Variants in HYOU1 observed in about 807,000 individuals in gnomAD.
The protein encoded by HYOU1 is hypoxia up-regulated 1, also known as hypoxia up-regulated protein 1.
A neutral mutation model predicts 120.5 loss-of-function variants in HYOU1; 40 were observed. The ratio of observed to expected loss-of-function variants is 0.33; its 90% CI spans 0.26 to 0.43. The LOEUF is 0.43. Among genes scored for constraint, HYOU1 ranks in the 20% least tolerant of loss-of-function variants. The pLI is 1.00. For synonymous variants in HYOU1, 501 were observed against 479.4 expected (o/e 1.05, Z -0.59); for missense variants, 1,085 against 1,278.3 (o/e 0.85, Z 2.31).
rs1463641039 is a variant in HYOU1 at position 119,044,201 on chromosome 11, A to G, written c.*1392T>C. On this transcript the variant is annotated 3_prime_UTR_variant, in exon 26 of 26. Coordinates refer to ENST00000617285, the MANE Select transcript of HYOU1 (RefSeq NM_006389.5). ...CAGCACAAAAACTGTAGAAAAGAAT[A>G]TTTTATTGAAACAGTTTCTCAATTA... The G allele has an allele frequency of 6.6e-6, 1 of 151,100 alleles. No homozygotes were observed. 9.4% of individuals were successfully genotyped at this position (151,100 alleles called of 1,614,324 possible).
At chr11:119,045,872 G>A (rs1944035169) in intron 24 of HYOU1, 41 bp from the exon 25 acceptor site, 3 of 1,605,510 alleles carry the variant, frequency 1.9e-6, no homozygotes, top group Non-Finnish European at 2.6e-6. Flanking sequence ...CAGAAGGGAG[G>A]AAGAGGCTAA....
chr11:119,045,087 G>T lies in HYOU1; in HGVS notation c.*506C>A, dbSNP rs1262017247. 2.2e-6 allele frequency: 1 copy of T among 451,326 alleles called. No individual in the cohort carries two copies. 28.0% of individuals were successfully genotyped at this position (451,326 alleles called of 1,614,324 possible). A position where few individuals can be genotyped will look rare whatever the true frequency, so the allele number is the denominator to read the frequency against. ...AGGCTCAGAGCAAGAGAAGCCCGCA[G>T]AGGGAGGAAAGAGCACAGATAGGCA... On this transcript the variant is annotated 3_prime_UTR_variant, in exon 26 of 26. Coordinates refer to ENST00000617285, the MANE Select transcript of HYOU1 (RefSeq NM_006389.5).
chr11:119,045,494 C>G lies in HYOU1; in HGVS notation c.*99G>C. 1 of 1,045,216 alleles carries G rather than the reference C, an allele frequency of 9.6e-7. No homozygotes were observed. Among genetic ancestry groups the G allele is most frequent in the Non-Finnish European group, 1.5e-6 (1 of 665,216 alleles). 64.7% of individuals were successfully genotyped at this position (1,045,216 alleles called of 1,614,324 possible). On this transcript the variant is annotated 3_prime_UTR_variant, in exon 26 of 26. Transcript: ENST00000617285. ...CACAGGGGTGAGAAAGGAACTCCAG[C>G]CGAGGGCAGGACCAACCCCTCCCCC...
intron 14 of HYOU1, 106 bp from the exon 15 acceptor site, chr11:119,049,943 G>A: frequency 1.0e-6 from 1 of 996,310 alleles, no homozygotes; most frequent in Non-Finnish European, 1.6e-6. Context: ...GCCGTCACAG[G>A]CCTAGTCTCT....
chr11:119,055,486 A>G lies in HYOU1; in HGVS notation c.264+7T>C, dbSNP rs2133613717. 6.2e-7 allele frequency: 1 copy of G among 1,613,694 alleles called. No homozygotes were observed. The highest frequency in any genetic ancestry group is 8.5e-7 in the Non-Finnish European group (1 of 1,179,648). On this transcript the variant is annotated splice_region_variant and intron_variant, in intron 4 of 25. Coordinates refer to ENST00000617285, the MANE Select transcript of HYOU1 (RefSeq NM_006389.5). This position sits in a 1 kb window ranked among gnomAD's most constrained non-coding sequence, Gnocchi z 4.0. ...CACCACTCTGGGAAGAGGGACTGCT[A>G]GCTCACCATGCTTGCTGCACTGTCT...
In HYOU1 at chr11:119,044,907, A is replaced by C. The variant is rs1225401563; in HGVS notation, c.*686T>G. On this transcript the variant is annotated 3_prime_UTR_variant, in exon 26 of 26. Coordinates refer to ENST00000617285, the MANE Select transcript of HYOU1 (RefSeq NM_006389.5). Reference sequence around the variant, plus strand: ...CACTGTGCCCCTCCCTCCTCTGGCCACTAGGGGTGGGAAATACGAGTGAGA... The same window carrying C: ...CACTGTGCCCCTCCCTCCTCTGGCCCCTAGGGGTGGGAAATACGAGTGAGA... The C allele has an allele frequency of 6.3e-6, 2 of 318,972 alleles. No individual in the cohort carries two copies. Among genetic ancestry groups the C allele is most frequent in the Admixed American group, 3.6e-5 (1 of 27,798 alleles). The allele number at this position is 318,972 out of a possible 1,614,324, so 19.8% of individuals were successfully genotyped here. A position where few individuals can be genotyped will look rare whatever the true frequency, so the allele number is the denominator to read the frequency against.
In HYOU1 at chr11:119,045,512, C is replaced by A; in HGVS notation, c.*81G>T. 5 of 1,276,798 alleles carry A rather than the reference C, an allele frequency of 3.9e-6. No individual in the cohort carries two copies. The highest frequency in any genetic ancestry group is 5.7e-6 in the Non-Finnish European group (5 of 873,550). The allele number at this position is 1,276,798 out of a possible 1,614,324, so 79.1% of individuals were successfully genotyped here. On this transcript the variant is annotated 3_prime_UTR_variant, in exon 26 of 26. Transcript: ENST00000617285. ...ACTCCAGCCGAGGGCAGGACCAACC[C>A]CTCCCCCAACCCTCGATGTTAAATA...
intron 22 of HYOU1, 66 bp downstream of exon 22, chr11:119,047,668 T>C: frequency 1.5e-6 from 2 of 1,350,232 alleles, no homozygotes; most frequent in Non-Finnish European, 1.1e-6. Context: ...GCTTCATCTC[T>C]CCACCTCTCC....
rs1944501379 is a variant in HYOU1, at chr11:119,052,487, G to A, written c.988-58C>T. 2.5e-6 allele frequency: 4 copies of A among 1,611,062 alleles called. No individual in the cohort carries two copies. The highest frequency in any genetic ancestry group is 1.6e-4 in the Middle Eastern group (1 of 6,068). On this transcript the variant is annotated intron_variant, in intron 9 of 25. Transcript: ENST00000617285. This position sits in a 1 kb window ranked among gnomAD's most constrained non-coding sequence, Gnocchi z 5.0. Reference sequence around the variant, plus strand: ...TGCCCAGCTCCCGCTCTCTTGGTGAGTAGGACAGAAACAAAAAGAATAGGT... The same window carrying A: ...TGCCCAGCTCCCGCTCTCTTGGTGAATAGGACAGAAACAAAAAGAATAGGT...
chr11:119,052,208 C>T lies in HYOU1; in HGVS notation c.1123-36G>A. 1.9e-6 allele frequency: 3 copies of T among 1,613,486 alleles called. No homozygotes were observed. The highest frequency in any genetic ancestry group is 2.5e-6 in the Non-Finnish European group (3 of 1,179,418). The stretch of plus-strand genomic sequence containing the variant: ...TAAGAATGACAGGTGCAACAGCATG[C>T]AGTTAGCACTGACTCGTCCCTTGAC... On this transcript the variant is annotated intron_variant, in intron 10 of 25. Transcript: ENST00000617285. This position sits in a 1 kb window ranked among gnomAD's most constrained non-coding sequence, Gnocchi z 5.0.
At chr11:119,050,705 A>G (rs923001396) in intron 14 of HYOU1, among the ~76,000 whole-genome samples, 1 of 120,816 alleles carries the variant, frequency 8.3e-6, no homozygotes, top group African/African-American at 3.1e-5. Context: ...TAAGTAACAG[A>G]GCCAAGACCC....
At chr11:119,050,876 T>C (rs1315819103) in intron 14 of HYOU1, among the ~76,000 whole-genome samples, 159 bp downstream of exon 14, 1 of 152,182 alleles carries the variant, frequency 6.6e-6, no homozygotes, top group Non-Finnish European at 1.5e-5. Flanking sequence ...TAAGGAGGTC[T>C]GCACCAGATC....
rs1270152936 is a variant in HYOU1, at chr11:119,056,016, C to G, written c.91+54G>C. On this transcript the variant is annotated intron_variant, in intron 2 of 25. Transcript: ENST00000617285. ...CAACAGCCCCAAGCTCAATTCCCAT[C>G]ATGCATCCTTCAGTCATCATTTATC... is the stretch of plus-strand genomic sequence containing the variant. 9.3e-6 allele frequency: 14 copies of G among 1,513,310 alleles called. No homozygotes were observed. In the East Asian group the frequency reaches 1.1e-4, roughly 12 times the overall value. 93.7% of individuals were successfully genotyped at this position (1,513,310 alleles called of 1,614,324 possible).
At chr11:119,049,686 C>T in intron 15 of HYOU1, 51 bp from the exon 16 acceptor site, 1 of 1,609,676 alleles carries the variant, frequency 6.2e-7, no homozygotes. Flanking sequence ...GCAGTGACTC[C>T]ACCTTCTAAC....
rs1433931324 is a variant in HYOU1 at position 119,055,658 on chromosome 11, C to A, written c.186-87G>T. On this transcript the variant is annotated intron_variant, in intron 3 of 25. Transcript: ENST00000617285. This position sits in a 1 kb window ranked among gnomAD's most constrained non-coding sequence, Gnocchi z 4.0. ...TCACACACATTTAACCACTCAGATG[C>A]CGAAGTCTGCTGTGGGCACTATGAC... 1.3e-6 allele frequency: 2 copies of A among 1,494,996 alleles called. No homozygotes were observed. Among genetic ancestry groups the A allele is most frequent in the Non-Finnish European group, 1.9e-6 (2 of 1,071,808 alleles). The allele number at this position is 1,494,996 out of a possible 1,614,324, so 92.6% of individuals were successfully genotyped here.
In HYOU1 at chr11:119,054,252, G is replaced by A; in HGVS notation, c.679-16C>T. ...ACATGATATTCTGTAGAGATATCAA[G>A]GCAACTGTCACAGGAACCTTCTCAA... On this transcript the variant is annotated splice_polypyrimidine_tract_variant and intron_variant, in intron 7 of 25. Transcript: ENST00000617285. The A allele has an allele frequency of 6.3e-7, 1 of 1,593,310 alleles. No individual in the cohort carries two copies. The highest frequency in any genetic ancestry group is 8.6e-7 in the Non-Finnish European group (1 of 1,161,760).
In HYOU1 at chr11:119,045,348, A is replaced by C; in HGVS notation, c.*245T>G. ...GTGATTTTTCCCAAATTTAGGGCCT[A>C]TATGGGTAGGGAACAGGGAGTGGGG... On this transcript the variant is annotated 3_prime_UTR_variant, in exon 26 of 26. Coordinates refer to ENST00000617285, the MANE Select transcript of HYOU1 (RefSeq NM_006389.5). The C allele has an allele frequency of 1.1e-5, 7 of 659,164 alleles. No individual in the cohort carries two copies. In the South Asian group the frequency reaches 1.1e-4, roughly 10 times the overall value. 40.8% of individuals were successfully genotyped at this position (659,164 alleles called of 1,614,324 possible).
At chr11:119,053,894 T>C in intron 8 of HYOU1, 2 of 470,738 alleles carry the variant, frequency 4.2e-6, no homozygotes, top group Non-Finnish European at 7.5e-6. Context: ...TGGATTTCCT[T>C]AGAATACATT....
At chr11:119,056,377 G>A in intron 1 of HYOU1, 1 of 655,992 alleles carries the variant, frequency 1.5e-6, no homozygotes, top group Admixed American at 2.1e-5. Context: ...CCAAGTGAAA[G>A]AGCATGGGTC....
Sources: gnomAD v4.1 joint callset for allele counts (sites outside exome capture counted in the v4.1 genomes callset) on GRCh38, gnomAD v4.1.1 for gene constraint, Gnocchi (gnomAD v3.1) non-coding constraint, MANE v1.5 for transcripts, NCBI Gene and HGNC (gene_info 2026-07-23, HGNC 2026-07-21) for gene names.